The following TNRC6A variants were observed in gnomAD, a reference collection of about 807,000 sequenced individuals.
TNRC6A encodes the protein trinucleotide repeat containing adaptor 6A, also known as trinucleotide repeat-containing gene 6A protein.
In TNRC6A, 44 loss-of-function variants were observed where a neutral mutation model predicts 221.2. The ratio of observed to expected loss-of-function variants is 0.20; its 90% CI spans 0.16 to 0.26. The LOEUF (loss-of-function observed/expected upper bound fraction) is 0.26. Among genes scored for constraint, TNRC6A ranks in the 10% least tolerant of loss-of-function variants. The pLI, the probability that TNRC6A is intolerant of heterozygous loss-of-function variation, is 1.00. For synonymous variants in TNRC6A, 847 were observed against 838.5 expected, an observed-to-expected ratio of 1.01 and a Z score of -0.18; for missense variants, 2,199 against 2,404.4, an observed-to-expected ratio of 0.91 and a Z score of 1.79.
At chr16:24,622,683 C>T (rs947790680) in intron 1 of TNRC6A, among the ~76,000 whole-genome samples, 1 of 152,150 alleles carries the variant, frequency 6.6e-6, no homozygotes, top group African/African-American at 2.4e-5. Context: ...GCCTCCAAAA[C>T]CAGCCCCAAA....
intron 4 of TNRC6A, among the ~76,000 whole-genome samples, chr16:24,772,962 A>G (rs1442043439): frequency 6.6e-6 from 1 of 152,176 alleles, no homozygotes; most frequent in African/African-American, 2.4e-5. Context: ...TTTTCAAACT[A>G]TTTATAGATT....
chr16:24,757,468 C>G (rs2057276679), intron 3 of TNRC6A, among the ~76,000 whole-genome samples: 1 of 152,196 alleles, frequency 6.6e-6, no homozygotes, highest in Non-Finnish European at 1.5e-5. Context: ...ATTATTCAGT[C>G]TTTTCTCACC....
chr16:24,632,834 C>T (rs902949694), intron 1 of TNRC6A, among the ~76,000 whole-genome samples: 1 of 151,976 alleles, frequency 6.6e-6, no homozygotes, highest in South Asian at 2.1e-4. Context: ...CATGGTGAAA[C>T]CCTGTCTCTA....
chr16:24,792,402 G>A (rs1459022281), intron 6 of TNRC6A, among the ~76,000 whole-genome samples: 1 of 151,830 alleles, frequency 6.6e-6, no homozygotes, highest in Non-Finnish European at 1.5e-5. Flanking sequence ...TGGCTACATT[G>A]TCTTTGTTAA....
At chr16:24,747,074 T>C (rs2057028142) in intron 2 of TNRC6A, among the ~76,000 whole-genome samples, 1 of 68,268 alleles carries the variant, frequency 1.5e-5, no homozygotes, top group African/African-American at 5.1e-5. Flanking sequence ...TGATTTGTTG[T>C]GTGGAATCCT....
intron 11 of TNRC6A, among the ~76,000 whole-genome samples, chr16:24,802,417 T>A (rs145939234): frequency 6.6e-6 from 1 of 151,986 alleles, no homozygotes; most frequent in South Asian, 2.1e-4. Flanking sequence ...GGGGTGGTGG[T>A]ACATACCTCT....
chr16:24,728,432 G>C (rs2056529713), upstream of TNRC6A, among the ~76,000 whole-genome samples: 1 of 151,558 alleles, frequency 6.6e-6, no homozygotes, highest in Non-Finnish European at 1.5e-5. Flanking sequence ...GGGAGACAGA[G>C]CGAGACTCCG....
rs574166442 is a variant in TNRC6A, at chr16:24,807,334, C to T, written c.4540+550C>T. ...AAATCACACTATTTCAAAAACTCCA[C>T]ACTCGTTTAAAGTGCATTAGAATAA... On this transcript the variant is annotated intron_variant, in intron 17 of 24. Coordinates refer to ENST00000395799, the MANE Select transcript of TNRC6A (RefSeq NM_014494.4). 3.9e-5 allele frequency among the ~76,000 whole-genome samples: 6 copies of T among 152,318 alleles called. No individual in the cohort carries two copies. In the East Asian group the frequency reaches 9.6e-4, roughly 24 times the overall value.
intron 2 of TNRC6A, among the ~76,000 whole-genome samples, chr16:24,701,143 T>G (rs1461077558): frequency 2.6e-5 from 4 of 152,204 alleles, no homozygotes; most frequent in Non-Finnish European, 5.9e-5. Context: ...AAAGCCAAAA[T>G]GTATGAGTAA....
rs535577149 is a variant in TNRC6A at position 24,745,800 on chromosome 16, C to G, written c.54-4926C>G. ...GAGACTACAGGTATGTACCATCCCC[C>G]CCCCCCCCAGCTAATTGTTAGGATA... is the stretch of plus-strand genomic sequence containing the variant. On this transcript the variant is annotated intron_variant, in intron 2 of 24. Transcript: ENST00000395799. Among the ~76,000 whole-genome samples the G allele has an allele frequency of 1.3e-3, 186 of 144,072 alleles. 2 individuals are homozygous for G. Among genetic ancestry groups the G allele is most frequent in the Non-Finnish European group, 2.3e-3 (149 of 64,450 alleles). 94.5% of individuals were successfully genotyped at this position (144,072 alleles called of 152,430 possible). A position where few individuals can be genotyped will look rare whatever the true frequency, so the allele number is the denominator to read the frequency against.
intron 2 of TNRC6A, among the ~76,000 whole-genome samples, chr16:24,655,396 G>A (rs2054889027): frequency 1.3e-5 from 2 of 152,102 alleles, no homozygotes; most frequent in South Asian, 4.1e-4. Context: ...AGTCTTTTAA[G>A]AGTTATTCCT....
At chr16:24,630,705 C>G (rs1250558509) in intron 1 of TNRC6A, among the ~76,000 whole-genome samples, 1 of 152,160 alleles carries the variant, frequency 6.6e-6, no homozygotes, top group African/African-American at 2.4e-5. Context: ...GAGCCCCACA[C>G]TGGTCATCCT....
chr16:24,636,511 C>T (rs1901642908), intron 1 of TNRC6A, among the ~76,000 whole-genome samples: 1 of 152,042 alleles, frequency 6.6e-6, no homozygotes, highest in African/African-American at 2.4e-5. Flanking sequence ...TTTAGGACTA[C>T]AGGCACATGC....
intron 4 of TNRC6A, among the ~76,000 whole-genome samples, chr16:24,769,507 C>T (rs2057545800): frequency 6.7e-6 from 1 of 148,792 alleles, no homozygotes; most frequent in South Asian, 2.1e-4. Context: ...GAGCTCTTTA[C>T]TAGATATCTA....
At chr16:24,815,460 A>G in intron 19 of TNRC6A, 155 bp downstream of exon 19, 1 of 887,386 alleles carries the variant, frequency 1.1e-6, no homozygotes, top group Non-Finnish European at 1.8e-6. Context: ...AAAGTTAAGC[A>G]TGAAGTCTTG....
intron 20 of TNRC6A, 136 bp downstream of exon 20, chr16:24,817,092 C>A: frequency 2.5e-6 from 2 of 807,198 alleles, no homozygotes; most frequent in South Asian, 3.6e-5. Flanking sequence ...TTGAGGCAAG[C>A]CTGGGCAACA....
intron 2 of TNRC6A, among the ~76,000 whole-genome samples, chr16:24,660,867 G>A (rs1214357340): frequency 5.5e-5 from 8 of 144,684 alleles, no homozygotes; most frequent in African/African-American, 1.8e-4. Context: ...TCAGCCTCCC[G>A]AGTAGCTGGG....
intron 2 of TNRC6A, chr16:24,663,481 G>C: frequency 6.3e-6 from 1 of 157,544 alleles, no homozygotes; most frequent in Non-Finnish European, 1.4e-5. Context: ...ACGTGAACCT[G>C]GGAGGTGGAG....
At chr16:24,769,419 T>C (rs1158445720) in intron 4 of TNRC6A, among the ~76,000 whole-genome samples, 1 of 150,934 alleles carries the variant, frequency 6.6e-6, no homozygotes, top group Non-Finnish European at 1.5e-5. Flanking sequence ...AAATTTTTTT[T>C]CCCATTTCTT....
Sources: gnomAD v4.1 joint callset for allele counts (sites outside exome capture counted in the v4.1 genomes callset) on GRCh38, gnomAD v4.1.1 for gene constraint, MANE v1.5 for transcripts, NCBI Gene and HGNC (gene_info 2026-07-23, HGNC 2026-07-21) for gene names.